PHACTR4: variants seen among roughly 807,000 people sequenced by gnomAD.
The protein encoded by PHACTR4 is protein phosphatase 1, regulatory subunit 124.
PHACTR4 carries 51 observed loss-of-function variants against 72.7 expected under a neutral mutation model. The ratio of observed to expected loss-of-function variants is 0.70; its 90% CI spans 0.56 to 0.89. PHACTR4 has a LOEUF of 0.89. PHACTR4 is among the 40% of genes least tolerant of loss of function. The pLI is 0.00. For missense variants in PHACTR4, 731 were observed against 861.8 expected (o/e 0.85, Z 1.90); for synonymous variants, 255 against 302.5 (o/e 0.84, Z 1.63).
chr1:28,454,560 G>A (rs554733423), intron 2 of PHACTR4, among the ~76,000 whole-genome samples: 94 of 152,018 alleles, frequency 6.2e-4, no homozygotes, highest in Non-Finnish European at 1.0e-3. Context: ...CGCCGCGCCC[G>A]GCCATCACTT....
At chr1:28,417,746 A>G (rs1453191144) in intron 2 of PHACTR4, among the ~76,000 whole-genome samples, 1 of 152,234 alleles carries the variant, frequency 6.6e-6, no homozygotes, top group East Asian at 1.9e-4. Flanking sequence ...ACAGCTCTAT[A>G]ATGCTATATC....
intron 2 of PHACTR4, among the ~76,000 whole-genome samples, chr1:28,425,123 G>T (rs1394061768): frequency 2.6e-5 from 4 of 151,198 alleles, no homozygotes; most frequent in Admixed American, 6.6e-5. Flanking sequence ...ATTTATTTAT[G>T]TATTTCTTTA....
At chr1:28,392,269 G>T (rs76185846) in intron 1 of PHACTR4, among the ~76,000 whole-genome samples, 1,596 of 152,188 alleles carry the variant, frequency 0.01, 25 homozygotes, top group African/African-American at 0.037. Flanking sequence ...CCCTTTAGTA[G>T]CAGACTTGGT....
chr1:28,479,196 G>A (rs988063795), intron 8 of PHACTR4, among the ~76,000 whole-genome samples: 7 of 151,862 alleles, frequency 4.6e-5, no homozygotes, highest in Non-Finnish European at 1.0e-4. Flanking sequence ...CGAGGCAGGC[G>A]GATCACCTGA....
In PHACTR4 at chr1:28,378,569, G is replaced by GCC. The variant is rs71027274; in HGVS notation, c.-39+8754_-39+8755dup. The stretch of plus-strand genomic sequence containing the variant: ...TTTTCTTTCTTTCTTTCTCCCCCCA[G>GCC]CCCCCCCCCCCTTTTTTTTTAACAA... On this transcript the variant is annotated intron_variant, in intron 1 of 13. Coordinates refer to ENST00000373839, the MANE Select transcript of PHACTR4 (RefSeq NM_001048183.3). Among the ~76,000 whole-genome samples the GCC allele has an allele frequency of 2.6e-3, 167 of 63,662 alleles. 1 individual carries two copies. Among genetic ancestry groups the GCC allele is most frequent in the Non-Finnish European group, 3.6e-3 (122 of 33,612 alleles). 41.8% of individuals were successfully genotyped at this position (63,662 alleles called of 152,430 possible). A position where few individuals can be genotyped will look rare whatever the true frequency, so the allele number is the denominator to read the frequency against.
chr1:28,489,715 C>T, intron 10 of PHACTR4: 1 of 513,202 alleles, frequency 1.9e-6, no homozygotes, highest in Non-Finnish European at 3.9e-6. Flanking sequence ...TGTCTGTGTA[C>T]ATAATTAATT....
intron 10 of PHACTR4, among the ~76,000 whole-genome samples, chr1:28,490,673 C>T (rs1660978386): frequency 6.6e-6 from 1 of 151,542 alleles, no homozygotes; most frequent in South Asian, 2.1e-4. Context: ...TGATGAAACT[C>T]TGTCTCTACT....
At chr1:28,458,993 A>G (rs1658606438) in intron 2 of PHACTR4, 92 bp from the exon 3 acceptor site, 1 of 1,198,096 alleles carries the variant, frequency 8.3e-7, no homozygotes, top group Non-Finnish European at 1.1e-6. Context: ...GATCCTTTCC[A>G]ACTACCACAG....
chr1:28,472,846 G>C (rs987879583), intron 6 of PHACTR4, among the ~76,000 whole-genome samples: 2 of 52 alleles, frequency 0.038, no homozygotes, highest in Admixed American at 0.25. Context: ...TCGAACTCCT[G>C]ACCTAAGTAA....
chr1:28,370,774 G>T (rs762241872), intron 1 of PHACTR4, among the ~76,000 whole-genome samples: 14 of 152,154 alleles, frequency 9.2e-5, no homozygotes, highest in Non-Finnish European at 2.1e-4. Flanking sequence ...GCTTCTAGAA[G>T]TCACTTACTT....
At chr1:28,381,752 A>T (rs1038635010) in intron 1 of PHACTR4, among the ~76,000 whole-genome samples, 2 of 152,024 alleles carry the variant, frequency 1.3e-5, no homozygotes, top group Non-Finnish European at 2.9e-5. Context: ...GAAAAATGTC[A>T]GTTCATGTCC....
chr1:28,488,639 A>C (rs954353543), intron 9 of PHACTR4, among the ~76,000 whole-genome samples: 1 of 152,146 alleles, frequency 6.6e-6, no homozygotes, highest in Non-Finnish European at 1.5e-5. Context: ...ATTTTCAAAA[A>C]ATTGTAAAAA....
At chr1:28,395,186 A>G (rs1201212415) in intron 1 of PHACTR4, among the ~76,000 whole-genome samples, 1 of 152,100 alleles carries the variant, frequency 6.6e-6, no homozygotes, top group Non-Finnish European at 1.5e-5. Context: ...GTGCTGGGAT[A>G]CAGCCATGAG....
At chr1:28,370,166 C>G (rs911806387) in intron 1 of PHACTR4, among the ~76,000 whole-genome samples, 9 of 152,000 alleles carry the variant, frequency 5.9e-5, no homozygotes, top group African/African-American at 1.9e-4. Context: ...GAGCCTGTTC[C>G]CCCGGTCCCC....
chr1:28,390,940 C>T (rs1033893075), intron 1 of PHACTR4, among the ~76,000 whole-genome samples: 2 of 151,330 alleles, frequency 1.3e-5, no homozygotes, highest in African/African-American at 2.4e-5. Context: ...ACAAAAAATA[C>T]GAAAACTAGC....
chr1:28,458,607 A>G (rs74064848), intron 2 of PHACTR4, among the ~76,000 whole-genome samples: 13,474 of 152,082 alleles, frequency 0.089, 1,290 homozygotes, highest in African/African-American at 0.24. Flanking sequence ...GAAGGGAGAA[A>G]ATAATTTGAT....
chr1:28,407,141 G>A (rs535832602), intron 1 of PHACTR4, among the ~76,000 whole-genome samples: 33 of 151,728 alleles, frequency 2.2e-4, no homozygotes, highest in Non-Finnish European at 4.4e-4. Context: ...ATAACTCCCA[G>A]CCTGGCACAG....
At chr1:28,376,048 A>T (rs1651635081) in intron 1 of PHACTR4, among the ~76,000 whole-genome samples, 3 of 149,890 alleles carry the variant, frequency 2.0e-5, no homozygotes, top group Admixed American at 1.3e-4. Context: ...CAGCCTGGGC[A>T]ACAAGAGCGA....
At chr1:28,461,913 C>G (rs932476264) in intron 4 of PHACTR4, among the ~76,000 whole-genome samples, 1 of 148,260 alleles carries the variant, frequency 6.7e-6, no homozygotes, top group African/African-American at 2.6e-5. Flanking sequence ...TTATATAACT[C>G]TATTTGTTTT....
Sources: gnomAD v4.1 joint callset for allele counts (sites outside exome capture counted in the v4.1 genomes callset) on GRCh38, gnomAD v4.1.1 for gene constraint, MANE v1.5 for transcripts, NCBI Gene and HGNC (gene_info 2026-07-23, HGNC 2026-07-21) for gene names.